The following PTPRD variants were observed in gnomAD, a reference collection of about 807,000 sequenced individuals.
PTPRD encodes the protein receptor-type tyrosine-protein phosphatase delta.
A neutral mutation model predicts 214.5 loss-of-function variants in PTPRD; 34 were observed. That is an observed-to-expected ratio of 0.16 (90% CI 0.12 to 0.21). The LOEUF (loss-of-function observed/expected upper bound fraction) is 0.21. Among genes scored for constraint, PTPRD ranks in the 10% least tolerant of loss-of-function variants. The pLI, the probability that PTPRD is intolerant of heterozygous loss-of-function variation, is 1.00. For synonymous variants in PTPRD, 1,128 were observed against 845.7 expected, an observed-to-expected ratio of 1.33 and a Z score of -5.79; for missense variants, 2,545 against 2,398.7, an observed-to-expected ratio of 1.06 and a Z score of -1.27.
chr9:10,562,143 G>C (rs2064149001), intron 2 of PTPRD, among the ~76,000 whole-genome samples: 1 of 151,978 alleles, frequency 6.6e-6, no homozygotes, highest in Admixed American at 6.6e-5. Flanking sequence ...TCCTATATGT[G>C]AGACATCCAT....
At chr9:9,847,506 C>T (rs1039363324) in intron 5 of PTPRD, among the ~76,000 whole-genome samples, 1 of 152,068 alleles carries the variant, frequency 6.6e-6, no homozygotes, top group Non-Finnish European at 1.5e-5. Flanking sequence ...AAAATAACGT[C>T]CCTGTTCTCT....
intron 2 of PTPRD, among the ~76,000 whole-genome samples, chr9:10,360,498 C>T (rs1476385075): frequency 6.6e-6 from 1 of 152,196 alleles, no homozygotes; most frequent in East Asian, 1.9e-4. Context: ...CCTTCTCTTC[C>T]ACTTTGCAAA....
intron 3 of PTPRD, among the ~76,000 whole-genome samples, chr9:10,277,114 T>C (rs117933722): frequency 0.018 from 2,676 of 152,294 alleles, 34 homozygotes; most frequent in Non-Finnish European, 0.027. Flanking sequence ...ATAGCTGATC[T>C]GGAGGTTAAT....
chr9:8,589,583 C>A (rs1371327600), intron 14 of PTPRD, among the ~76,000 whole-genome samples: 1 of 152,162 alleles, frequency 6.6e-6, no homozygotes, highest in Non-Finnish European at 1.5e-5. Context: ...TCACCATAAG[C>A]TATTTGTGAC....
chr9:9,777,987 G>T (rs1338847554), intron 5 of PTPRD, among the ~76,000 whole-genome samples: 2 of 152,194 alleles, frequency 1.3e-5, no homozygotes, highest in Non-Finnish European at 2.9e-5. Context: ...TCCAAGAATA[G>T]GACTAGCACT....
intron 9 of PTPRD, among the ~76,000 whole-genome samples, chr9:9,268,376 T>TA (rs564077854): frequency 6.6e-6 from 1 of 150,736 alleles, no homozygotes; most frequent in African/African-American, 2.4e-5. Context: ...CGCAAGTATA[T>TA]AAAAAAATAG....
intron 3 of PTPRD, among the ~76,000 whole-genome samples, chr9:10,176,534 T>C (rs2154302042): frequency 6.6e-6 from 1 of 152,042 alleles, no homozygotes; most frequent in African/African-American, 2.4e-5. Context: ...CAGAGATAAA[T>C]CCTAAATCTC....
intron 10 of PTPRD, among the ~76,000 whole-genome samples, chr9:9,066,916 A>G (rs557343978): frequency 1.7e-3 from 265 of 152,294 alleles, no homozygotes; most frequent in African/African-American, 6.1e-3. Flanking sequence ...TGTTGTTTTA[A>G]TTCATCAAAA....
intron 2 of PTPRD, among the ~76,000 whole-genome samples, chr9:10,388,310 A>G (rs1003050552): frequency 6.6e-6 from 1 of 151,860 alleles, no homozygotes; most frequent in African/African-American, 2.4e-5. Flanking sequence ...ATGGAAAGGA[A>G]GTACATCCTG....
chr9:10,538,981 A>G (rs2058500002), intron 2 of PTPRD, among the ~76,000 whole-genome samples: 1 of 152,120 alleles, frequency 6.6e-6, no homozygotes, highest in African/African-American at 2.4e-5. Flanking sequence ...CTGTGCCTGG[A>G]GGACCTTATC....
chr9:8,993,156 G>A (rs1017700393), intron 11 of PTPRD, among the ~76,000 whole-genome samples: 6 of 151,432 alleles, frequency 4.0e-5, no homozygotes, highest in African/African-American at 9.7e-5. Flanking sequence ...CTTATTTAAA[G>A]TCTCATAGGT....
At chr9:8,774,031 T>C (rs750891411) in intron 11 of PTPRD, among the ~76,000 whole-genome samples, 1 of 152,144 alleles carries the variant, frequency 6.6e-6, no homozygotes, top group Non-Finnish European at 1.5e-5. Context: ...CCATCTATTA[T>C]CCAATCTCCT....
At position 8,926,315 on chromosome 9, in the gene PTPRD, C is replaced by T. The variant is rs547073811; in HGVS notation, c.-104+92382G>A. Reference sequence around the variant, plus strand: ...TGTATAGGTTGCCTATTACACAATCCATTGCAGTATCTTATGCTTACCTCA... The same window carrying T: ...TGTATAGGTTGCCTATTACACAATCTATTGCAGTATCTTATGCTTACCTCA... On this transcript the variant is annotated intron_variant, in intron 11 of 45. Coordinates refer to ENST00000381196, the MANE Select transcript of PTPRD (RefSeq NM_002839.4). Among the ~76,000 whole-genome samples the T allele has an allele frequency of 3.3e-5, 5 of 152,202 alleles. 1 individual carries two copies. Among genetic ancestry groups the T allele is most frequent in the Admixed American group, 2.6e-4 (4 of 15,268 alleles).
intron 35 of PTPRD, among the ~76,000 whole-genome samples, chr9:8,423,163 A>G (rs2094464635): frequency 1.3e-5 from 2 of 152,186 alleles, no homozygotes; most frequent in African/African-American, 2.4e-5. Flanking sequence ...TCAGCAAGAG[A>G]GAAAGAATCT....
At chr9:10,340,791 A>G (rs754846151) in intron 3 of PTPRD, among the ~76,000 whole-genome samples, 172 bp downstream of exon 3, 14 of 151,944 alleles carry the variant, frequency 9.2e-5, no homozygotes, top group Non-Finnish European at 1.6e-4. Context: ...AGTGTATAGC[A>G]AGACTAAATC....
chr9:8,978,268 C>T (rs1408419480), intron 11 of PTPRD, among the ~76,000 whole-genome samples: 1 of 152,134 alleles, frequency 6.6e-6, no homozygotes, highest in Non-Finnish European at 1.5e-5. Context: ...GCATGGACAA[C>T]ATTCTTCATC....
rs71317359 is a variant in PTPRD at position 8,351,742 on chromosome 9, T to TAAAA, written c.4662-9768_4662-9765dup. Among the ~76,000 whole-genome samples the TAAAA allele has an allele frequency of 6.3e-4, 43 of 68,524 alleles. 4 individuals carry two copies. The highest frequency in any genetic ancestry group is 2.4e-3 in the African/African-American group (33 of 13,674). 45.0% of individuals were successfully genotyped at this position (68,524 alleles called of 152,430 possible). On this transcript the variant is annotated intron_variant, in intron 39 of 45. Transcript: ENST00000381196. ...AGAGAGGAGACTGCTTGGCAAAGAG[T>TAAAA]AAAAAAAAAAAAAAAAAAAAAAAAA...
At chr9:10,466,857 T>A (rs995810073) in intron 2 of PTPRD, among the ~76,000 whole-genome samples, 1 of 152,102 alleles carries the variant, frequency 6.6e-6, no homozygotes, top group Non-Finnish European at 1.5e-5. Flanking sequence ...AATAGAAGCA[T>A]AATTCACATA....
At chr9:8,492,325 T>C (rs950596446) in intron 27 of PTPRD, among the ~76,000 whole-genome samples, 1 of 152,114 alleles carries the variant, frequency 6.6e-6, no homozygotes, top group South Asian at 2.1e-4. Context: ...ATCCCTTCCC[T>C]CCAGATCTTC....
Sources: allele counts gnomAD v4.1 joint callset (sites outside exome capture counted in the v4.1 genomes callset), GRCh38; gene constraint gnomAD v4.1.1; transcripts MANE v1.5; gene names NCBI Gene and HGNC (gene_info 2026-07-23, HGNC 2026-07-21).